The following RBFOX1 variants were observed in gnomAD, a reference collection of about 807,000 sequenced individuals.
RBFOX1 encodes RNA binding fox-1 homolog 1.
In RBFOX1, 8 loss-of-function variants were observed where a neutral mutation model predicts 57.7. The observed-to-expected ratio is 0.14, with a 90% CI of 0.08 to 0.25. RBFOX1 has a LOEUF of 0.25. Among genes scored for constraint, RBFOX1 ranks in the 10% least tolerant of loss-of-function variants. RBFOX1 has a pLI of 1.00. For missense variants in RBFOX1, 611 were observed against 548.5 expected, an observed-to-expected ratio of 1.11 and a Z score of -1.14; for synonymous variants, 326 against 222.4, an observed-to-expected ratio of 1.47 and a Z score of -4.15.
At chr16:7,037,860 C>G (rs1377680881) in intron 3 of RBFOX1, among the ~76,000 whole-genome samples, 2 of 152,192 alleles carry the variant, frequency 1.3e-5, no homozygotes, top group Non-Finnish European at 2.9e-5. Flanking sequence ...ATCAAGATGA[C>G]TGCCCAGATA....
chr16:6,167,220 C>G (rs2096924710), intron 1 of RBFOX1, among the ~76,000 whole-genome samples: 1 of 152,204 alleles, frequency 6.6e-6, no homozygotes, highest in Non-Finnish European at 1.5e-5. Context: ...GCCCTTAGTC[C>G]TTGTTCTTTT....
chr16:6,247,758 G>A (rs938188158), intron 1 of RBFOX1, among the ~76,000 whole-genome samples: 1 of 152,170 alleles, frequency 6.6e-6, no homozygotes, highest in Admixed American at 6.5e-5. Flanking sequence ...ACCAGGCAAG[G>A]CTGAATTACT....
intron 3 of RBFOX1, among the ~76,000 whole-genome samples, chr16:5,711,882 T>G (rs990334474): frequency 1.3e-5 from 2 of 152,174 alleles, no homozygotes; most frequent in Admixed American, 1.3e-4. Flanking sequence ...ATTTATTGAG[T>G]GCTTATTTAG....
At chr16:6,873,107 G>C (rs1212331170) in intron 3 of RBFOX1, among the ~76,000 whole-genome samples, 1 of 149,540 alleles carries the variant, frequency 6.7e-6, no homozygotes, top group Non-Finnish European at 1.5e-5. Flanking sequence ...TCTTACTTGA[G>C]AAACTTTTAG....
chr16:6,839,587 A>G (rs945519220), intron 3 of RBFOX1, among the ~76,000 whole-genome samples: 5 of 152,176 alleles, frequency 3.3e-5, no homozygotes, highest in African/African-American at 9.7e-5. Flanking sequence ...TATTTCCACA[A>G]TATTGAACTT....
At chr16:6,668,080 C>T (rs1281187706) in intron 3 of RBFOX1, among the ~76,000 whole-genome samples, 1 of 152,178 alleles carries the variant, frequency 6.6e-6, no homozygotes, top group Non-Finnish European at 1.5e-5. Context: ...ACCAAACCCT[C>T]AATTACCTGT....
rs144329779 is a variant in RBFOX1 at position 6,866,973 on chromosome 16, C to A, written c.-15-185084C>A. ...TATCTAAAGGTCATACTGTTTTAAG[C>A]ATACAGAAAACCCTCTAGTCAGAGT... is the stretch of plus-strand genomic sequence containing the variant. On this transcript the variant is annotated intron_variant, in intron 3 of 15. Transcript: ENST00000550418. Among the ~76,000 whole-genome samples, 380 of 148,798 alleles carry A rather than the reference C, an allele frequency of 2.6e-3. 4 individuals are homozygous for A. The highest frequency in any genetic ancestry group is 9.0e-3 in the African/African-American group (363 of 40,440).
At chr16:7,057,175 C>A (rs1405104647) in intron 4 of RBFOX1, among the ~76,000 whole-genome samples, 1 of 152,144 alleles carries the variant, frequency 6.6e-6, no homozygotes, top group Non-Finnish European at 1.5e-5. Context: ...CCACCAAACT[C>A]CCCACAAGGA....
chr16:5,673,734 C>A (rs74962938), intron 3 of RBFOX1, among the ~76,000 whole-genome samples: 16,580 of 152,234 alleles, frequency 0.11, 1,305 homozygotes, highest in East Asian at 0.32. Context: ...GTATCCACAC[C>A]TTTTCTCTTC....
intron 3 of RBFOX1, among the ~76,000 whole-genome samples, chr16:5,765,829 A>C (rs546848062): frequency 6.6e-6 from 1 of 152,196 alleles, no homozygotes; most frequent in African/African-American, 2.4e-5. Context: ...CCAGACACTA[A>C]TGGCAAGAAC....
intron 3 of RBFOX1, among the ~76,000 whole-genome samples, chr16:5,693,494 A>G (rs2050756907): frequency 6.6e-6 from 1 of 151,886 alleles, no homozygotes; most frequent in Admixed American, 6.6e-5. Context: ...TTTCTTATAC[A>G]TAATACTTGT....
chr16:6,149,380 G>C (rs1315140089), intron 1 of RBFOX1, among the ~76,000 whole-genome samples: 1 of 152,222 alleles, frequency 6.6e-6, no homozygotes, highest in East Asian at 1.9e-4. Context: ...TTGAAGTTTT[G>C]CTAGGAGGAT....
At chr16:7,372,120 C>G (rs544296542) in intron 4 of RBFOX1, among the ~76,000 whole-genome samples, 27 of 152,254 alleles carry the variant, frequency 1.8e-4, no homozygotes, top group Non-Finnish European at 3.5e-4. Flanking sequence ...AAGTTGGTGT[C>G]TCATAACTTC....
At chr16:7,253,249 C>G (rs746234922) in intron 4 of RBFOX1, among the ~76,000 whole-genome samples, 1 of 152,184 alleles carries the variant, frequency 6.6e-6, no homozygotes, top group Non-Finnish European at 1.5e-5. Flanking sequence ...CAGGTATTCT[C>G]CTGGGGGTCA....
intron 3 of RBFOX1, among the ~76,000 whole-genome samples, chr16:6,842,348 A>G (rs2093522433): frequency 6.6e-6 from 1 of 152,118 alleles, no homozygotes; most frequent in Non-Finnish European, 1.5e-5. Context: ...CTTTGGAAAG[A>G]CAAATACTTT....
At chr16:6,238,090 C>CAAA (rs368995420) in intron 1 of RBFOX1, among the ~76,000 whole-genome samples, 11 of 66,004 alleles carry the variant, frequency 1.7e-4, no homozygotes, top group East Asian at 4.6e-4. Context: ...GACTCTGTCT[C>CAAA]AAAAAAAAAA....
intron 1 of RBFOX1, among the ~76,000 whole-genome samples, chr16:5,422,139 T>C (rs909330070): frequency 2.0e-5 from 3 of 152,000 alleles, no homozygotes; most frequent in African/African-American, 7.2e-5. Context: ...CAAAGATGTA[T>C]GTTTTAGGAT....
intron 2 of RBFOX1, among the ~76,000 whole-genome samples, chr16:6,565,180 C>A (rs1013839902): frequency 6.9e-6 from 1 of 145,752 alleles, no homozygotes; most frequent in Non-Finnish European, 1.5e-5. Context: ...ACAGTGATAA[C>A]AAAATACTAC....
intron 2 of RBFOX1, among the ~76,000 whole-genome samples, chr16:6,636,263 C>G (rs769586386): frequency 3.9e-5 from 6 of 152,184 alleles, no homozygotes; most frequent in Non-Finnish European, 7.4e-5. Context: ...CTCTGCCTCC[C>G]GGGTTCATGC....
Sources: gnomAD v4.1 joint callset for allele counts (sites outside exome capture counted in the v4.1 genomes callset) on GRCh38, gnomAD v4.1.1 for gene constraint, MANE v1.5 for transcripts, NCBI Gene and HGNC (gene_info 2026-07-23, HGNC 2026-07-21) for gene names.